Variants in AGMO observed in about 807,000 individuals in gnomAD.
AGMO encodes the protein alkylglycerol monooxygenase, also known as glyceryl-ether monooxygenase.
AGMO carries 75 observed loss-of-function variants against 60.2 expected under a neutral mutation model. The observed-to-expected ratio is 1.25, with a 90% CI of 1.03 to 1.51. AGMO has a LOEUF of 1.51. Among genes scored for constraint, AGMO ranks in the 40% most tolerant of loss-of-function variants. AGMO has a pLI of 0.00. For missense variants in AGMO, 763 were observed against 525.5 expected, an observed-to-expected ratio of 1.45 and a Z score of -4.42; for synonymous variants, 261 against 177.1, an observed-to-expected ratio of 1.47 and a Z score of -3.76.
At chr7:15,292,751 C>CTT (rs765222435) in intron 12 of AGMO, among the ~76,000 whole-genome samples, 3,958 of 95,032 alleles carry the variant, frequency 0.042, 60 homozygotes, top group African/African-American at 0.077. Flanking sequence ...TTTTTTTTTC[C>CTT]TTTTTTTTTT....
chr7:15,182,615 C>T, the AGMO span, among the ~76,000 whole-genome samples: 9 of 152,078 alleles, frequency 5.9e-5, no homozygotes, highest in Non-Finnish European at 1.2e-4. Flanking sequence ...CGGGGTTTCA[C>T]CATGTTTCCC....
rs1433659249 is a variant in AGMO, at chr7:15,421,551, T to G, written c.514-2898A>C. On this transcript the variant is annotated intron_variant, in intron 4 of 12. Coordinates refer to ENST00000342526, the MANE Select transcript of AGMO (RefSeq NM_001004320.2). ...GAGAGATAAAGTACATGCAACAGATTTAAGGATTTGGCAGCTGTTAAACAT... is the reference window on the plus strand; with the variant it reads ...GAGAGATAAAGTACATGCAACAGATGTAAGGATTTGGCAGCTGTTAAACAT... 2.0e-5 allele frequency among the ~76,000 whole-genome samples: 3 copies of G among 152,062 alleles called. No homozygotes were observed. The East Asian group carries it at 5.8e-4, about 29-fold the overall frequency.
intron 3 of AGMO, among the ~76,000 whole-genome samples, chr7:15,543,634 T>G (rs1784690377): frequency 6.6e-6 from 1 of 152,124 alleles, no homozygotes; most frequent in African/African-American, 2.4e-5. Flanking sequence ...ATAATTGTGC[T>G]GTGAAGTTTG....
At chr7:15,311,843 A>G (rs1563080862) in intron 12 of AGMO, among the ~76,000 whole-genome samples, 1 of 152,226 alleles carries the variant, frequency 6.6e-6, no homozygotes. Context: ...TAAAAGATAC[A>G]TTTGAATCTA....
the AGMO span, among the ~76,000 whole-genome samples, chr7:15,166,693 A>C: frequency 6.6e-6 from 1 of 152,208 alleles, no homozygotes; most frequent in Admixed American, 6.5e-5. Context: ...ATGGGAGTCA[A>C]AGCAGTGAAG....
intron 6 of AGMO, among the ~76,000 whole-genome samples, chr7:15,392,055 A>T (rs1018881244): frequency 6.6e-6 from 1 of 151,904 alleles, no homozygotes; most frequent in African/African-American, 2.4e-5. Context: ...TCGACTTCCT[A>T]TATTTTTTAT....
chr7:15,418,483 T>A (rs1389619030), intron 5 of AGMO, 75 bp downstream of exon 5: 3 of 865,936 alleles, frequency 3.5e-6, no homozygotes, highest in East Asian at 2.6e-5. Context: ...CAATAAATCA[T>A]CTGCTAGTGG....
At chr7:15,466,394 T>C (rs1428461113) in intron 3 of AGMO, among the ~76,000 whole-genome samples, 1 of 152,134 alleles carries the variant, frequency 6.6e-6, no homozygotes, top group Non-Finnish European at 1.5e-5. Context: ...AATTTAATGA[T>C]ATAATGTAGT....
At chr7:15,561,445 A>G (rs1475300748) in intron 1 of AGMO, among the ~76,000 whole-genome samples, 1 of 152,202 alleles carries the variant, frequency 6.6e-6, no homozygotes, top group Non-Finnish European at 1.5e-5. Flanking sequence ...TACATTTACA[A>G]TGCCATGGAG....
At chr7:15,530,710 T>C (rs921691085) in intron 3 of AGMO, among the ~76,000 whole-genome samples, 26 of 142,722 alleles carry the variant, frequency 1.8e-4, no homozygotes, top group African/African-American at 6.3e-4. Context: ...ATATTCTATA[T>C]ATACATTTCT....
the AGMO span, among the ~76,000 whole-genome samples, chr7:15,176,304 A>G: frequency 2.6e-5 from 4 of 151,928 alleles, no homozygotes; most frequent in Non-Finnish European, 5.9e-5. Context: ...TAGATGGACT[A>G]AGACAGAAGC....
At chr7:15,125,659 A>G in the AGMO span, among the ~76,000 whole-genome samples, 8 of 152,012 alleles carry the variant, frequency 5.3e-5, no homozygotes, top group African/African-American at 1.9e-4. Flanking sequence ...CTTAGAAAAA[A>G]GAGGCCTTAA....
At chr7:15,405,568 C>A (rs180999481) in intron 5 of AGMO, among the ~76,000 whole-genome samples, 1 of 151,860 alleles carries the variant, frequency 6.6e-6, no homozygotes, top group Non-Finnish European at 1.5e-5. Context: ...AATTCTAGTT[C>A]GGACTTTATG....
At chr7:15,133,194 G>C in the AGMO span, among the ~76,000 whole-genome samples, 1 of 152,170 alleles carries the variant, frequency 6.6e-6, no homozygotes, top group Non-Finnish European at 1.5e-5. Context: ...ATGAGAGTGG[G>C]AAAGAGTATG....
At chr7:15,345,890 T>TC (rs1051318621) in intron 12 of AGMO, among the ~76,000 whole-genome samples, 1 of 152,120 alleles carries the variant, frequency 6.6e-6, no homozygotes, top group Non-Finnish European at 1.5e-5. Context: ...TTAATTTTTT[T>TC]TTGAGTATGT....
At chr7:15,171,074 G>C in the AGMO span, among the ~76,000 whole-genome samples, 31,208 of 151,940 alleles carry the variant, frequency 0.21, 3,415 homozygotes, top group South Asian at 0.3. Context: ...CTCCCAGGAC[G>C]GAGCTCACAC....
At chr7:15,189,346 A>G in the AGMO span, among the ~76,000 whole-genome samples, 1 of 151,924 alleles carries the variant, frequency 6.6e-6, no homozygotes, top group Non-Finnish European at 1.5e-5. Flanking sequence ...TTTCTTTTCC[A>G]GTGAATTAGG....
At chr7:15,352,672 G>A (rs1225865787) in intron 12 of AGMO, among the ~76,000 whole-genome samples, 1 of 151,858 alleles carries the variant, frequency 6.6e-6, no homozygotes, top group Non-Finnish European at 1.5e-5. Context: ...GCAACAGCAA[G>A]CCCATAATGA....
chr7:15,256,827 G>C (rs922338264), intron 12 of AGMO, among the ~76,000 whole-genome samples: 5 of 152,158 alleles, frequency 3.3e-5, no homozygotes, highest in African/African-American at 1.2e-4. Flanking sequence ...TGTAAGTACT[G>C]TACACTCTAT....
Sources: allele counts gnomAD v4.1 joint callset (sites outside exome capture counted in the v4.1 genomes callset), GRCh38; gene constraint gnomAD v4.1.1; transcripts MANE v1.5; gene names NCBI Gene and HGNC (gene_info 2026-07-23, HGNC 2026-07-21).